The following SYNE2 variants were observed in gnomAD, a reference collection of about 807,000 sequenced individuals.
The protein encoded by SYNE2 is nesprin-2.
In SYNE2, 431 loss-of-function variants were observed where a neutral mutation model predicts 856.3. The ratio of observed to expected loss-of-function variants is 0.50; its 90% confidence interval spans 0.47 to 0.55. SYNE2 has a LOEUF of 0.55. Ranked by LOEUF, SYNE2 falls within the 20% of genes least tolerant of loss-of-function variation. SYNE2 has a pLI of 0.00. For synonymous variants in SYNE2, 2,923 were observed against 2,872.3 expected (o/e 1.02, Z -0.56); for missense variants, 8,129 against 8,023.2 (o/e 1.01, Z -0.50).
chr14:64,168,979 G>C lies in SYNE2; in HGVS notation c.17000+8G>C, dbSNP rs2098397188. 1 of 1,608,492 alleles carries C rather than the reference G, an allele frequency of 6.2e-7. No individual in the cohort carries two copies. The highest frequency in any genetic ancestry group is 1.3e-5 in the African/African-American group (1 of 74,800). ...AACAGAAATAGAGAACAGGTGAGCTGTCTGGGCCTCATGAAGGTTGTGGGC... is the reference window on the plus strand; with the variant it reads ...AACAGAAATAGAGAACAGGTGAGCTCTCTGGGCCTCATGAAGGTTGTGGGC... On this transcript the variant is annotated splice_region_variant and intron_variant, in intron 93 of 115. Coordinates refer to ENST00000555002, the MANE Select transcript of SYNE2 (RefSeq NM_182914.3).
chr14:64,016,408 A>G (rs1343288756), intron 32 of SYNE2, 65 bp from the exon 33 acceptor site: 11 of 1,087,152 alleles, frequency 1.0e-5, no homozygotes, highest in Non-Finnish European at 1.5e-5. Flanking sequence ...CAACAATAGA[A>G]TTGTGATTCT....
intron 17 of SYNE2, 81 bp downstream of exon 17, chr14:63,982,875 A>G: frequency 1.4e-6 from 2 of 1,435,488 alleles, no homozygotes; most frequent in Non-Finnish European, 1.9e-6. Flanking sequence ...GTTCATAACC[A>G]ATTGATTTCT....
At chr14:63,978,325 G>A (rs2096560172) in intron 13 of SYNE2, among the ~76,000 whole-genome samples, 1 of 152,140 alleles carries the variant, frequency 6.6e-6, no homozygotes, top group Non-Finnish European at 1.5e-5. Flanking sequence ...TTAGGTTAAT[G>A]ATAATTGCCC....
intron 65 of SYNE2, among the ~76,000 whole-genome samples, chr14:64,110,770 T>A (rs1206224555): frequency 1.3e-5 from 2 of 152,078 alleles, no homozygotes; most frequent in East Asian, 3.8e-4. Flanking sequence ...ACTTGGGTGC[T>A]TCTCAGAAGC....
intron 61 of SYNE2, among the ~76,000 whole-genome samples, chr14:64,094,475 C>A (rs10133355): frequency 0.012 from 1,760 of 152,118 alleles, 28 homozygotes; most frequent in African/African-American, 0.04. Context: ...ACAACAACAA[C>A]AAAAAAACGT....
intron 27 of SYNE2, 95 bp downstream of exon 27, chr14:63,999,135 T>TA: frequency 8.3e-7 from 1 of 1,197,742 alleles, no homozygotes; most frequent in South Asian, 1.3e-5. Context: ...TGAGGTCACA[T>TA]ATGCTAAATG....
intron 11 of SYNE2, among the ~76,000 whole-genome samples, chr14:63,973,619 G>T (rs1317321120): frequency 1.8e-5 from 2 of 110,738 alleles, no homozygotes; most frequent in Non-Finnish European, 3.3e-5. Flanking sequence ...GTAACACACC[G>T]AGAGTCCATC....
intron 21 of SYNE2, 111 bp from the exon 22 acceptor site, chr14:63,993,724 C>G (rs544023912): frequency 2.1e-6 from 2 of 930,596 alleles, no homozygotes; most frequent in Non-Finnish European, 3.3e-6. Flanking sequence ...TCAGAGAGCA[C>G]CTTCCCACTT....
At chr14:63,986,347 G>A in intron 18 of SYNE2, 109 bp from the exon 19 acceptor site, 2 of 1,155,420 alleles carry the variant, frequency 1.7e-6, no homozygotes, top group Non-Finnish European at 2.5e-6. Context: ...CAATCCTCCT[G>A]CCCTGGCCTC....
At chr14:64,180,497 G>A (rs2098452823) in intron 96 of SYNE2, among the ~76,000 whole-genome samples, 1 of 150,926 alleles carries the variant, frequency 6.6e-6, no homozygotes, top group African/African-American at 2.4e-5. Flanking sequence ...TTCACTAATG[G>A]TTTATAACTT....
At chr14:64,103,558 C>A (rs2097751932) in intron 64 of SYNE2, among the ~76,000 whole-genome samples, 1 of 152,152 alleles carries the variant, frequency 6.6e-6, no homozygotes, top group Non-Finnish European at 1.5e-5. Flanking sequence ...ACCTCTCACT[C>A]CTGCCTCCTG....
At chr14:63,810,234 A>AAG (rs753245037) in intron 1 of SYNE2, among the ~76,000 whole-genome samples, 4 of 150,472 alleles carry the variant, frequency 2.7e-5, no homozygotes, top group African/African-American at 4.8e-5. Context: ...AAAAAAAAAA[A>AAG]AGAGAGAGAG....
chr14:64,004,365 C>G (rs991101514), intron 30 of SYNE2, among the ~76,000 whole-genome samples: 3 of 151,860 alleles, frequency 2.0e-5, no homozygotes, highest in Non-Finnish European at 4.4e-5. Context: ...GAGTCTTGCT[C>G]TGTTGCCCAG....
At chr14:64,186,275 C>G (rs577728139) in intron 96 of SYNE2, 149 bp from the exon 97 acceptor site, 1 of 960,690 alleles carries the variant, frequency 1.0e-6, no homozygotes, top group Non-Finnish European at 1.7e-6. Context: ...TGCAGGCGCT[C>G]GTCTTGGGCT....
At chr14:64,018,102 G>A (rs144156674) in intron 34 of SYNE2, among the ~76,000 whole-genome samples, 4 of 151,984 alleles carry the variant, frequency 2.6e-5, no homozygotes, top group Non-Finnish European at 4.4e-5. Context: ...TTGCTATTAC[G>A]CAAGGGGTCT....
chr14:63,995,721 A>ATATC (rs1555419636), intron 23 of SYNE2, among the ~76,000 whole-genome samples: 1 of 136,872 alleles, frequency 7.3e-6, no homozygotes, highest in African/African-American at 2.6e-5. Flanking sequence ...ATATAATTCT[A>ATATC]TATCTATCCA....
At chr14:63,990,613 A>G in intron 20 of SYNE2, 44 bp downstream of exon 20, 1 of 1,582,312 alleles carries the variant, frequency 6.3e-7, no homozygotes, top group Non-Finnish European at 8.7e-7. Context: ...GTTCTCTAAA[A>G]CTGAGGGGTC....
rs780422766 is a variant in SYNE2 at position 63,961,635 on chromosome 14, C to A, written c.888+10C>A. The stretch of plus-strand genomic sequence containing the variant: ...TGGAGAGGAGGCTCAGGTATGTTTT[C>A]ATATGCATAAATCAAGCTCATTTTA... On this transcript the variant is annotated intron_variant, in intron 9 of 115. Coordinates refer to ENST00000555002, the MANE Select transcript of SYNE2 (RefSeq NM_182914.3). 2.0e-5 allele frequency: 31 copies of A among 1,588,266 alleles called. No homozygotes were observed. Among genetic ancestry groups the A allele is most frequent in the Non-Finnish European group, 2.6e-5 (30 of 1,156,822 alleles).
intron 14 of SYNE2, 88 bp downstream of exon 14, chr14:63,979,102 T>A (rs1170929244): frequency 7.2e-7 from 1 of 1,385,396 alleles, no homozygotes; most frequent in Non-Finnish European, 1.0e-6. Context: ...TCCCATTAAC[T>A]CTTCGGGTTT....
Sources: gnomAD v4.1 joint callset for allele counts (sites outside exome capture counted in the v4.1 genomes callset) on GRCh38, gnomAD v4.1.1 for gene constraint, MANE v1.5 for transcripts, NCBI Gene and HGNC (gene_info 2026-07-23, HGNC 2026-07-21) for gene names.